The following IFFO2 variants were observed in gnomAD, a reference collection of about 807,000 sequenced individuals.
The protein encoded by IFFO2 is intermediate filament family orphan 2.
In IFFO2, 19 loss-of-function variants were observed where a neutral mutation model predicts 53.5. The observed-to-expected ratio is 0.36, with a 90% CI of 0.25 to 0.52. IFFO2 has a LOEUF of 0.52. Among genes scored for constraint, IFFO2 ranks in the 20% least tolerant of loss-of-function variants. The probability of loss-of-function intolerance (pLI) is 0.94; values close to 1 mark genes in which losing one functional copy is unlikely to be tolerated. For missense variants in IFFO2, 570 were observed against 727.4 expected, an observed-to-expected ratio of 0.78 and a Z score of 2.49; for synonymous variants, 303 against 313.6, an observed-to-expected ratio of 0.97 and a Z score of 0.36.
At chr1:18,911,880 A>T in intron 6 of IFFO2, 83 bp downstream of exon 6, 5 of 1,499,376 alleles carry the variant, frequency 3.3e-6, no homozygotes, top group Non-Finnish European at 4.5e-6. Flanking sequence ...CTGTAGAAAA[A>T]TAACAGGGAT....
intron 1 of IFFO2, among the ~76,000 whole-genome samples, chr1:18,953,185 C>T (rs1440619040): frequency 1.3e-5 from 2 of 152,190 alleles, no homozygotes; most frequent in Non-Finnish European, 1.5e-5. Flanking sequence ...GGGTCTCATC[C>T]CTTAGACGGT....
rs1010408968 is a variant in IFFO2, at chr1:18,907,218, A to C, written c.*1343T>G. On this transcript the variant is annotated 3_prime_UTR_variant, in exon 9 of 9. Coordinates refer to ENST00000455833, the MANE Select transcript of IFFO2 (RefSeq NM_001136265.2). ...AAGCAAAGCCTGCTCAGCTGGCTCCAAGCTGAGATTTGGAAGGGGGCCACA... is the reference window on the plus strand; with the variant it reads ...AAGCAAAGCCTGCTCAGCTGGCTCCCAGCTGAGATTTGGAAGGGGGCCACA... 4 of 152,254 alleles carry C rather than the reference A, an allele frequency of 2.6e-5. No homozygotes were observed. The highest frequency in any genetic ancestry group is 9.6e-5 in the African/African-American group (4 of 41,476). The allele number at this position is 152,254 out of a possible 1,614,324, so 9.4% of individuals were successfully genotyped here. A position where few individuals can be genotyped will look rare whatever the true frequency, so the allele number is the denominator to read the frequency against.
chr1:18,923,609 C>T (rs1936244372), intron 1 of IFFO2, among the ~76,000 whole-genome samples: 1 of 152,220 alleles, frequency 6.6e-6, no homozygotes, highest in African/African-American at 2.4e-5. Context: ...GCCCATCTTG[C>T]AGATGAGGGA....
intron 8 of IFFO2, among the ~76,000 whole-genome samples, chr1:18,908,988 AT>A (rs1935992628): frequency 6.6e-6 from 1 of 151,772 alleles, no homozygotes; most frequent in African/African-American, 2.4e-5. Context: ...TAAAACCTGA[AT>A]GACTCAGAGC....
chr1:18,954,517 A>G (rs1380370437), intron 1 of IFFO2, among the ~76,000 whole-genome samples: 1 of 152,206 alleles, frequency 6.6e-6, no homozygotes, highest in Non-Finnish European at 1.5e-5. Flanking sequence ...TTCTCAGTAC[A>G]TCCTCCAAGC....
chr1:18,918,491 G>A lies in IFFO2; in HGVS notation c.834C>T (p.Asp278=). The stretch of plus-strand genomic sequence containing the variant: ...CCTTTTCTTGGATCTTTGTGTCCAG[G>A]TCTGTCATGGGCTGCAGGGAGGACA... ...FKGLMSDPMT[D]LDTKIQEKAM... is the part of the protein sequence containing the mutation. The change falls in exon 4 of 9, where the codon GAC becomes GAT. Residue 278 remains aspartate, a synonymous_variant. Coordinates refer to ENST00000455833, the MANE Select transcript of IFFO2 (RefSeq NM_001136265.2). The surrounding 1 kb of genome is among the most constrained non-coding windows in gnomAD (Gnocchi z 5.2). 6.4e-7 allele frequency: 1 copy of A among 1,554,112 alleles called. No individual in the cohort carries two copies. Among genetic ancestry groups the A allele is most frequent in the South Asian group, 1.2e-5 (1 of 84,140 alleles).
At chr1:18,910,240 C>T in intron 8 of IFFO2, 102 bp downstream of exon 8, 2 of 1,333,114 alleles carry the variant, frequency 1.5e-6, no homozygotes, top group South Asian at 2.7e-5. Flanking sequence ...GATGGACGGA[C>T]AGAGAGACAG....
intron 1 of IFFO2, among the ~76,000 whole-genome samples, chr1:18,951,140 C>G (rs1430531879): frequency 6.6e-6 from 1 of 152,122 alleles, no homozygotes; most frequent in Admixed American, 6.5e-5. Context: ...CTTTTTAAAA[C>G]AGCAGAACCC....
rs960491159 is a variant in IFFO2 at position 18,918,168 on chromosome 1, C to T, written c.963+194G>A. Among the ~76,000 whole-genome samples the T allele has an allele frequency of 2.0e-5, 3 of 152,184 alleles. No homozygotes were observed. The highest frequency in any genetic ancestry group is 2.9e-5 in the Non-Finnish European group (2 of 68,042). Reference sequence around the variant, plus strand: ...CCAGCCATAGGATGAAGCAGTCAGACGAGCCTATGAGTCCACGGGTGCCTG... The same window carrying T: ...CCAGCCATAGGATGAAGCAGTCAGATGAGCCTATGAGTCCACGGGTGCCTG... On this transcript the variant is annotated intron_variant, in intron 4 of 8. Coordinates refer to ENST00000455833, the MANE Select transcript of IFFO2 (RefSeq NM_001136265.2). This position sits in a 1 kb window ranked among gnomAD's most constrained non-coding sequence, Gnocchi z 5.2.
At chr1:18,944,702 G>A (rs1428737889) in intron 1 of IFFO2, among the ~76,000 whole-genome samples, 5 of 152,082 alleles carry the variant, frequency 3.3e-5, no homozygotes, top group African/African-American at 7.2e-5. Flanking sequence ...ACACACACAC[G>A]TACATACATG....
chr1:18,909,880 G>C (rs948069974), intron 8 of IFFO2, among the ~76,000 whole-genome samples: 1 of 152,124 alleles, frequency 6.6e-6, no homozygotes. Flanking sequence ...TTACAGGTGT[G>C]AGCCACCACG....
In IFFO2 at chr1:18,908,360, G is replaced by T; in HGVS notation, c.*201C>A. The T allele has an allele frequency of 1.8e-6, 1 of 569,498 alleles. No individual in the cohort carries two copies. The highest frequency in any genetic ancestry group is 3.2e-6 in the Non-Finnish European group (1 of 316,530). 35.3% of individuals were successfully genotyped at this position (569,498 alleles called of 1,614,324 possible). A position where few individuals can be genotyped will look rare whatever the true frequency, so the allele number is the denominator to read the frequency against. On this transcript the variant is annotated 3_prime_UTR_variant, in exon 9 of 9. Transcript: ENST00000455833. ...TGACAGCACCATTCCTTGGGTGGGT[G>T]GGGGATGGAGACGGGGCACCCGTTG...
chr1:18,949,391 G>C (rs551538815), intron 1 of IFFO2, among the ~76,000 whole-genome samples: 1 of 152,360 alleles, frequency 6.6e-6, no homozygotes, highest in East Asian at 1.9e-4. Flanking sequence ...GGAGGTGGTG[G>C]GTGCTTAGGA....
chr1:18,930,996 T>A (rs1936368308), intron 1 of IFFO2, among the ~76,000 whole-genome samples: 1 of 151,982 alleles, frequency 6.6e-6, no homozygotes, highest in African/African-American at 2.4e-5. Context: ...CATAGTGAGA[T>A]CCCATCCCTA....
intron 1 of IFFO2, among the ~76,000 whole-genome samples, chr1:18,932,164 T>C (rs558542424): frequency 1.3e-5 from 2 of 152,262 alleles, no homozygotes; most frequent in South Asian, 2.1e-4. Context: ...GCCTCCCCAT[T>C]TGGTCATCAT....
In IFFO2 at chr1:18,917,846, G is replaced by T. The variant is rs1936158410; in HGVS notation, c.963+516C>A. Among the ~76,000 whole-genome samples, 1 of 152,154 alleles carries T rather than the reference G, an allele frequency of 6.6e-6. No individual in the cohort carries two copies. ...CCACACTTGCACGTTAGGTCGGGGG[G>T]GTATCGAGAGCCTCTTTGGGGTGGA... On this transcript the variant is annotated intron_variant, in intron 4 of 8. Coordinates refer to ENST00000455833, the MANE Select transcript of IFFO2 (RefSeq NM_001136265.2). The surrounding 1 kb of genome is among the most constrained non-coding windows in gnomAD (Gnocchi z 5.9).
At position 18,956,043 on chromosome 1, in the gene IFFO2, C is replaced by T. The variant is rs1403601821; in HGVS notation, c.290G>A (p.Arg97His). The T allele has an allele frequency of 4.8e-6, 7 of 1,472,326 alleles. No homozygotes were observed. The highest frequency in any genetic ancestry group is 6.4e-6 in the Non-Finnish European group (7 of 1,099,450). The allele number at this position is 1,472,326 out of a possible 1,614,324, so 91.2% of individuals were successfully genotyped here. ...CTGCTCGCGGGAGAAGGTCTTGTAG[C>T]GCAGCCGCCGCTCGCGCTCGCTCTG... is the stretch of plus-strand genomic sequence containing the variant. ...QQQSERERRL[R>H]YKTFSREQAV... The change falls in exon 1 of 9, where the codon CGC becomes CAC. Residue 97 changes from arginine to histidine, a missense_variant. Arg to His is a conservative substitution (Grantham distance 29). Transcript: ENST00000455833. The surrounding 1 kb of genome is among the most constrained non-coding windows in gnomAD (Gnocchi z 6.4).
chr1:18,915,206 G>A (rs1286983049), intron 5 of IFFO2, among the ~76,000 whole-genome samples: 2 of 152,144 alleles, frequency 1.3e-5, no homozygotes, highest in African/African-American at 2.4e-5. Context: ...AAGTGGCTGG[G>A]CAGAGTGAGC....
chr1:18,955,883 G>A lies in IFFO2; in HGVS notation c.450C>T (p.His150=), dbSNP rs528498104. 4.9e-5 allele frequency: 67 copies of A among 1,363,946 alleles called. No homozygotes were observed. In the South Asian group the frequency reaches 5.2e-4, roughly 11 times the overall value. The allele number at this position is 1,363,946 out of a possible 1,614,324, so 84.5% of individuals were successfully genotyped here. The change falls in exon 1 of 9, where the codon CAC becomes CAT. Residue 150 remains histidine (H), a synonymous_variant. Coordinates refer to ENST00000455833, the MANE Select transcript of IFFO2 (RefSeq NM_001136265.2). ...LGGLPPGGGS[H]PQHYGRLPGT... ...CGGGCAGGCGGCCGTAGTGCTGCGG[G>A]TGCGAGCCGCCGCCGGGGGGCAGGC...
Sources: gnomAD v4.1 joint callset for allele counts (sites outside exome capture counted in the v4.1 genomes callset) on GRCh38, gnomAD v4.1.1 for gene constraint, Gnocchi (gnomAD v3.1) non-coding constraint, MANE v1.5 for transcripts, NCBI Gene and HGNC (gene_info 2026-07-23, HGNC 2026-07-21) for gene names.